ZBTB8A: variants seen among roughly 807,000 people sequenced by gnomAD.
ZBTB8A encodes zinc finger and BTB domain containing 8A, also known as zinc finger and BTB domain-containing protein 8A.
In ZBTB8A, 19 loss-of-function variants were observed where a neutral mutation model predicts 37.8. That is an observed-to-expected ratio of 0.50 (90% confidence interval 0.35 to 0.74). The LOEUF is 0.74. Among genes scored for constraint, ZBTB8A ranks in the 30% least tolerant of loss-of-function variants. The pLI is 0.01. For synonymous variants in ZBTB8A, 181 were observed against 185.2 expected, an observed-to-expected ratio of 0.98 and a Z score of 0.19; for missense variants, 394 against 537.8, an observed-to-expected ratio of 0.73 and a Z score of 2.65.
intron 2 of ZBTB8A, among the ~76,000 whole-genome samples, chr1:32,559,820 T>G (rs971922678): frequency 4.6e-5 from 7 of 152,032 alleles, no homozygotes; most frequent in African/African-American, 1.7e-4. Flanking sequence ...TTATGAAGGA[T>G]TAATGGGTTA....
chr1:32,582,915 T>C (rs970335317), intron 2 of ZBTB8A, among the ~76,000 whole-genome samples: 1 of 152,130 alleles, frequency 6.6e-6, no homozygotes, highest in African/African-American at 2.4e-5. Context: ...CTGGGAGATT[T>C]GGGATTTCGA....
intron 2 of ZBTB8A, among the ~76,000 whole-genome samples, chr1:32,578,589 G>A (rs1398261546): frequency 6.6e-6 from 1 of 151,894 alleles, no homozygotes; most frequent in Non-Finnish European, 1.5e-5. Context: ...TTGAGTATAT[G>A]TATAGTTAAT....
chr1:32,601,474 C>CAA lies in ZBTB8A; in HGVS notation c.*1064_*1065dup. 3.6e-5 allele frequency: 12 copies of CAA among 336,098 alleles called. No individual in the cohort carries two copies. The highest frequency in any genetic ancestry group is 7.9e-4 in the Middle Eastern group (1 of 1,272). The allele number at this position is 336,098 out of a possible 1,614,324, so 20.8% of individuals were successfully genotyped here. A position where few individuals can be genotyped will look rare whatever the true frequency, so the allele number is the denominator to read the frequency against. On this transcript the variant is annotated 3_prime_UTR_variant, in exon 5 of 5. Coordinates refer to ENST00000373510, the MANE Select transcript of ZBTB8A (RefSeq NM_001040441.3). ...GGGCAACAAGAGCGAAACTCCGTCT[C>CAA]AAAAAAAAAAGGAAAACAAACTAGG...
chr1:32,560,806 A>G (rs1435653698), intron 2 of ZBTB8A, among the ~76,000 whole-genome samples: 2 of 151,330 alleles, frequency 1.3e-5, no homozygotes, highest in Non-Finnish European at 2.9e-5. Context: ...TTCTATTTTT[A>G]GTAGAGACAG....
intron 4 of ZBTB8A, among the ~76,000 whole-genome samples, chr1:32,598,842 G>C (rs1035683834): frequency 6.6e-6 from 1 of 151,906 alleles, no homozygotes; most frequent in African/African-American, 2.4e-5. Context: ...GATAATACTA[G>C]GCTGATATAT....
At chr1:32,580,396 A>G (rs777210792) in intron 2 of ZBTB8A, among the ~76,000 whole-genome samples, 8 of 152,102 alleles carry the variant, frequency 5.3e-5, no homozygotes, top group Non-Finnish European at 8.8e-5. Context: ...CGTCTCTACT[A>G]AAAATTAGCC....
chr1:32,547,184 A>C (rs1644111434), intron 1 of ZBTB8A, among the ~76,000 whole-genome samples: 3 of 151,776 alleles, frequency 2.0e-5, no homozygotes. Context: ...GATTATAGAT[A>C]TGAGCTACCA....
Position 32,600,298 on chromosome 1 carries a change from G to A in ZBTB8A, c.1205G>A (p.Ser402Asn), listed in dbSNP as rs772285453. Residue 402 changes from serine to asparagine, a missense_variant, in exon 5 of 5, where the codon AGT (serine) becomes AAT (asparagine). Coordinates refer to ENST00000373510, the MANE Select transcript of ZBTB8A (RefSeq NM_001040441.3). ...DGDKDSRWHLSEDENRSYVEI... is the reference protein window; with the variant it reads ...DGDKDSRWHLNEDENRSYVEI... ...GATAAGGATTCCAGATGGCACTTGA[G>A]TGAAGATGAGAATAGATCCTATGTG... is the stretch of plus-strand genomic sequence containing the variant. The A allele has an allele frequency of 2.5e-6, 4 of 1,614,072 alleles. No individual in the cohort carries two copies. The highest frequency in any genetic ancestry group is 1.6e-4 in the Middle Eastern group (1 of 6,084).
intron 2 of ZBTB8A, among the ~76,000 whole-genome samples, chr1:32,560,996 A>G (rs539704275): frequency 3.9e-4 from 59 of 152,038 alleles, no homozygotes; most frequent in African/African-American, 1.4e-3. Context: ...CTCACTGCCA[A>G]TGATGTTCTT....
chr1:32,567,855 A>C, intron 2 of ZBTB8A, among the ~76,000 whole-genome samples: 1 of 148,496 alleles, frequency 6.7e-6, no homozygotes, highest in South Asian at 2.2e-4. Context: ...AAAAGATATA[A>C]TTTAGCCTGG....
chr1:32,548,616 G>A (rs538989286), intron 1 of ZBTB8A, among the ~76,000 whole-genome samples: 1 of 152,174 alleles, frequency 6.6e-6, no homozygotes, highest in African/African-American at 2.4e-5. Context: ...TTACAGGCGT[G>A]AGCCTCCTTT....
At chr1:32,571,694 C>A (rs1015239359) in intron 2 of ZBTB8A, among the ~76,000 whole-genome samples, 2 of 152,012 alleles carry the variant, frequency 1.3e-5, no homozygotes, top group African/African-American at 2.4e-5. Flanking sequence ...CCTGCCTCAG[C>A]GTCCCAAATA....
Position 32,600,218 on chromosome 1 carries a change from C to T in ZBTB8A, c.1125C>T (p.Asp375=). ...AGTGTCTTGCAGAATTTGGCATAGA[C>T]AGCCTCCCCATTGACTTGGAAGCTG... ...CNECLAEFGI[D]SLPIDLEAEQ... Residue 375 remains aspartate, a synonymous_variant, in exon 5 of 5, where the codon GAC becomes GAT. Transcript: ENST00000373510. 6.2e-7 allele frequency: 1 copy of T among 1,614,172 alleles called. No individual in the cohort carries two copies. The highest frequency in any genetic ancestry group is 8.5e-7 in the Non-Finnish European group (1 of 1,180,018).
intron 2 of ZBTB8A, among the ~76,000 whole-genome samples, chr1:32,578,833 C>G (rs1340594591): frequency 1.3e-5 from 2 of 152,108 alleles, no homozygotes; most frequent in African/African-American, 4.8e-5. Context: ...GCTGCCTCAG[C>G]TTTTCAAGTA....
chr1:32,544,699 AAAAT>A (rs1348734857), intron 1 of ZBTB8A, among the ~76,000 whole-genome samples: 1 of 152,238 alleles, frequency 6.6e-6, no homozygotes, highest in South Asian at 2.1e-4. Context: ...TTTGTCTACA[AAAAT>A]AAATAAACAA....
At chr1:32,592,480 C>T (rs929545724) in intron 2 of ZBTB8A, among the ~76,000 whole-genome samples, 1 of 151,692 alleles carries the variant, frequency 6.6e-6, no homozygotes, top group African/African-American at 2.4e-5. Context: ...TTCAAGGTTG[C>T]AGTGAGCTTT....
intron 2 of ZBTB8A, among the ~76,000 whole-genome samples, chr1:32,583,398 A>G (rs1363359861): frequency 6.6e-6 from 1 of 151,660 alleles, no homozygotes; most frequent in Non-Finnish European, 1.5e-5. Flanking sequence ...AAAAAAAAAA[A>G]AGTCAGGTTA....
At chr1:32,583,354 C>T (rs1199154120) in intron 2 of ZBTB8A, among the ~76,000 whole-genome samples, 5 of 144,768 alleles carry the variant, frequency 3.5e-5, no homozygotes, top group African/African-American at 1.3e-4. Context: ...GCACTCCAGC[C>T]TGGGTGACAG....
intron 1 of ZBTB8A, among the ~76,000 whole-genome samples, chr1:32,544,519 A>G (rs1475822406): frequency 2.0e-5 from 3 of 152,238 alleles, no homozygotes; most frequent in Admixed American, 2.0e-4. Context: ...CAACATGGCA[A>G]AACCCCGTCT....
Sources: gnomAD v4.1 joint callset for allele counts (sites outside exome capture counted in the v4.1 genomes callset) on GRCh38, gnomAD v4.1.1 for gene constraint, MANE v1.5 for transcripts, NCBI Gene and HGNC (gene_info 2026-07-23, HGNC 2026-07-21) for gene names.